The following FANCD2 variants were observed in gnomAD, a reference collection of about 807,000 sequenced individuals.
FANCD2 encodes the protein Fanconi anemia group D2 protein.
Under a neutral mutation model 192.3 loss-of-function variants are expected in FANCD2, and 131 were observed. That is an observed-to-expected ratio of 0.68 (90% CI 0.59 to 0.79). FANCD2 has a LOEUF of 0.79. FANCD2 is among the 30% of genes least tolerant of loss of function. The probability of loss-of-function intolerance (pLI) is 0.00; values close to 1 mark genes in which losing one functional copy is unlikely to be tolerated. For synonymous variants in FANCD2, 524 were observed against 612.5 expected, an observed-to-expected ratio of 0.86 and a Z score of 2.13; for missense variants, 1,508 against 1,701.6, an observed-to-expected ratio of 0.89 and a Z score of 2.00.
At position 10,085,849 on chromosome 3, in the gene FANCD2, T is replaced by A. The variant is rs1274934462; in HGVS notation, c.3262T>A (p.Tyr1088Asn). ...FSQPENQNLL[Y>N]SALHVLSSRL... ...TCAACCTGAAAATCAGAATTTACTG[T>A]ATTCAGCCCTCCATGTCCTTAGTAG... Residue 1088 changes from tyrosine (Y) to asparagine (N), a missense_variant, in exon 33 of 44, where the codon TAT (tyrosine) becomes AAT (asparagine). Tyr to Asn is a moderately radical substitution (Grantham distance 143, BLOSUM62 -2). Coordinates refer to ENST00000675286, the MANE Select transcript of FANCD2 (RefSeq NM_001018115.3). 1 of 1,613,814 alleles carries A rather than the reference T, an allele frequency of 6.2e-7. No individual in the cohort carries two copies. Among genetic ancestry groups the A allele is most frequent in the East Asian group, 2.2e-5 (1 of 44,866 alleles).
chr3:10,042,154 C>T (rs766172452), intron 10 of FANCD2, among the ~76,000 whole-genome samples: 83 of 152,112 alleles, frequency 5.5e-4, no homozygotes, highest in Non-Finnish European at 9.0e-4. Flanking sequence ...CCTCGGCCTC[C>T]CAAAGTGCTG....
intron 3 of FANCD2, among the ~76,000 whole-genome samples, chr3:10,033,469 C>T (rs2086651750): frequency 1.3e-5 from 2 of 151,968 alleles, no homozygotes; most frequent in South Asian, 2.1e-4. Context: ...TTAAGTAAAG[C>T]ATTTCTCATC....
intron 7 of FANCD2, among the ~76,000 whole-genome samples, chr3:10,039,013 A>C (rs1453298347): frequency 6.6e-6 from 1 of 152,202 alleles, no homozygotes; most frequent in Admixed American, 6.5e-5. Context: ...GATGCTGTCT[A>C]GCCCTGTCAT....
intron 12 of FANCD2, 106 bp from the exon 13 acceptor site, chr3:10,043,378 T>C: frequency 1.1e-6 from 1 of 917,194 alleles, no homozygotes; most frequent in South Asian, 1.4e-5. Context: ...AGCCATCTTA[T>C]ACATGAGGTT....
chr3:10,030,303 G>A (rs1391060784), intron 2 of FANCD2, among the ~76,000 whole-genome samples: 1 of 150,772 alleles, frequency 6.6e-6, no homozygotes, highest in Non-Finnish European at 1.5e-5. Flanking sequence ...CACCGTGTTA[G>A]TCAGGCTGGT....
In FANCD2 at chr3:10,039,850, A is replaced by G. The variant is rs2086820340; in HGVS notation, c.695+5A>G. 4 of 1,614,058 alleles carry G rather than the reference A, an allele frequency of 2.5e-6. No individual in the cohort carries two copies. The highest frequency in any genetic ancestry group is 3.4e-6 in the Non-Finnish European group (4 of 1,180,026). On this transcript the variant is annotated splice_donor_5th_base_variant and intron_variant, in intron 9 of 43. Transcript: ENST00000675286. ...TGATGTGGGGAAAGAACTCAGGTGGATAAACCCTCTGTCATCATCTAAGTG... is the reference window on the plus strand; with the variant it reads ...TGATGTGGGGAAAGAACTCAGGTGGGTAAACCCTCTGTCATCATCTAAGTG...
At chr3:10,032,469 T>A (rs9873794) in intron 2 of FANCD2, 29 of 146,970 alleles carry the variant, frequency 2.0e-4, no homozygotes, top group Non-Finnish European at 3.8e-4. Flanking sequence ...AGGGGGGGAA[T>A]GGGGGTGAAG....
At chr3:10,078,006 C>A in intron 29 of FANCD2, 75 bp from the exon 30 acceptor site, 1 of 1,113,558 alleles carries the variant, frequency 9.0e-7, no homozygotes, top group Non-Finnish European at 1.4e-6. Context: ...GCACATTTAA[C>A]AAAAAAGAAA....
chr3:10,036,153 C>A, intron 6 of FANCD2, 134 bp from the exon 7 acceptor site: 1 of 551,376 alleles, frequency 1.8e-6, no homozygotes, highest in Non-Finnish European at 3.4e-6. Context: ...GTGGTGCAAT[C>A]TCGGCTCACT....
chr3:10,049,890 G>C (rs1156284308), intron 17 of FANCD2, among the ~76,000 whole-genome samples: 3 of 152,232 alleles, frequency 2.0e-5, no homozygotes, highest in Non-Finnish European at 2.9e-5. Flanking sequence ...ACTGACAAGA[G>C]AAAGTATGGG....
At chr3:10,088,357 C>T (rs1372423525) in intron 34 of FANCD2, 92 bp from the exon 35 acceptor site, 1 of 849,718 alleles carries the variant, frequency 1.2e-6, no homozygotes, top group South Asian at 1.3e-5. Flanking sequence ...AACTAATAAT[C>T]CTTTTGATCA....
rs750030381 is a variant in FANCD2 at position 10,081,368 on chromosome 3, G to A, written c.3128G>A (p.Gly1043Asp). Residue 1043 changes from glycine (G) to aspartate (D), a missense_variant, in exon 32 of 44, where the codon GGT becomes GAT. This residue lies in a region of FANCD2 where 796 missense variants were observed against 879.4 expected (regional missense o/e 0.91). Transcript: ENST00000675286. ...TAGTGTTTAGCTGCTGAGAATCACG[G>A]TGTAGTTGATGGACCAGGAGTGAAA... is the stretch of plus-strand genomic sequence containing the variant. ...YFQCLAAENH[G>D]VVDGPGVKVQ... 6.2e-7 allele frequency: 1 copy of A among 1,613,974 alleles called. No homozygotes were observed. The highest frequency in any genetic ancestry group is 1.1e-5 in the South Asian group (1 of 91,084).
intron 37 of FANCD2, among the ~76,000 whole-genome samples, chr3:10,091,270 G>A (rs1343784936): frequency 2.0e-5 from 3 of 151,324 alleles, no homozygotes; most frequent in Non-Finnish European, 4.4e-5. Context: ...TAGTAGAGGC[G>A]GGGTTTTGTC....
intron 26 of FANCD2, among the ~76,000 whole-genome samples, chr3:10,069,810 T>C (rs1693078425): frequency 1.3e-5 from 2 of 152,086 alleles, no homozygotes; most frequent in African/African-American, 4.8e-5. Flanking sequence ...CTCGGCTCGC[T>C]ACAACCTCCA....
Position 10,057,690 on chromosome 3 carries a change from C to A in FANCD2, c.1657-2604C>A, listed in dbSNP as rs570660453. ...CATTAAGTTTTAAGATGGCACTCACCATCTTTGTGAAAAGTTGAACATTAC... is the reference window on the plus strand; with the variant it reads ...CATTAAGTTTTAAGATGGCACTCACAATCTTTGTGAAAAGTTGAACATTAC... On this transcript the variant is annotated intron_variant, in intron 18 of 43. Coordinates refer to ENST00000675286, the MANE Select transcript of FANCD2 (RefSeq NM_001018115.3). Among the ~76,000 whole-genome samples, 6 of 152,218 alleles carry A rather than the reference C, an allele frequency of 3.9e-5. No homozygotes were observed. In the East Asian group the frequency reaches 1.2e-3, roughly 29 times the overall value.
chr3:10,033,299 C>G (rs935788455), intron 3 of FANCD2, among the ~76,000 whole-genome samples: 1 of 151,996 alleles, frequency 6.6e-6, no homozygotes. Flanking sequence ...TGCTTGGGCG[C>G]CTGAGTCAGG....
At chr3:10,041,990 C>G (rs749662817) in intron 10 of FANCD2, among the ~76,000 whole-genome samples, 7 of 151,650 alleles carry the variant, frequency 4.6e-5, no homozygotes, top group Non-Finnish European at 7.4e-5. Flanking sequence ...CCTCTACCTA[C>G]CAAGTTCAAG....
intron 16 of FANCD2, among the ~76,000 whole-genome samples, chr3:10,048,676 A>G (rs1487714772): frequency 6.6e-6 from 1 of 152,240 alleles, no homozygotes; most frequent in African/African-American, 2.4e-5. Flanking sequence ...GAAAGCAAGT[A>G]AAGAACAGTG....
chr3:10,100,172 C>T (rs984211533), intron 43 of FANCD2, among the ~76,000 whole-genome samples: 1 of 152,134 alleles, frequency 6.6e-6, no homozygotes. Context: ...AGAGCGAGAC[C>T]CTGTCTCAAA....
Sources: allele counts gnomAD v4.1 joint callset (sites outside exome capture counted in the v4.1 genomes callset), GRCh38; gene constraint gnomAD v4.1.1; regional missense constraint gnomAD v4.1.1; transcripts MANE v1.5; gene names NCBI Gene and HGNC (gene_info 2026-07-23, HGNC 2026-07-21).